Variants in RGL1 observed in about 807,000 individuals in gnomAD.
RGL1 encodes the protein ral guanine nucleotide dissociation stimulator like 1.
A neutral mutation model predicts 95.2 loss-of-function variants in RGL1; 24 were observed. The ratio of observed to expected loss-of-function variants is 0.25; its 90% CI spans 0.18 to 0.35. RGL1 has a LOEUF of 0.35. Ranked by LOEUF, RGL1 falls within the 10% of genes least tolerant of loss-of-function variation. The pLI, the probability that RGL1 is intolerant of heterozygous loss-of-function variation, is 1.00. For missense variants in RGL1, 715 were observed against 936.3 expected (o/e 0.76, Z 3.08); for synonymous variants, 329 against 344.9 (o/e 0.95, Z 0.51).
intron 3 of RGL1, among the ~76,000 whole-genome samples, chr1:183,858,012 G>C (rs1490599126): frequency 6.6e-6 from 1 of 152,168 alleles, no homozygotes; most frequent in Non-Finnish European, 1.5e-5. Flanking sequence ...TTTCCATGAA[G>C]TAGCTTGTTT....
chr1:183,799,445 C>A (rs963563765), intron 2 of RGL1, among the ~76,000 whole-genome samples: 5 of 152,238 alleles, frequency 3.3e-5, no homozygotes, highest in Middle Eastern at 3.4e-3. Flanking sequence ...TATCAGGGTT[C>A]CTTTTTGTCT....
At chr1:183,820,510 C>A (rs951469889) in intron 2 of RGL1, among the ~76,000 whole-genome samples, 1 of 152,146 alleles carries the variant, frequency 6.6e-6, no homozygotes, top group Non-Finnish European at 1.5e-5. Context: ...GGGCATGTGA[C>A]AAACGTGCAG....
chr1:183,642,898 A>G (rs1381476597), intron 1 of RGL1, among the ~76,000 whole-genome samples: 1 of 152,092 alleles, frequency 6.6e-6, no homozygotes, highest in Non-Finnish European at 1.5e-5. Flanking sequence ...CCATCTCCAG[A>G]CCTCTTTTCA....
chr1:183,747,881 A>G (rs945567063), intron 2 of RGL1, among the ~76,000 whole-genome samples: 1 of 152,052 alleles, frequency 6.6e-6, no homozygotes, highest in African/African-American at 2.4e-5. Flanking sequence ...CTCTTTTTCT[A>G]TGATTTGGAA....
At chr1:183,865,868 T>C (rs1164903246) in intron 3 of RGL1, 128 bp from the exon 4 acceptor site, 2 of 660,724 alleles carry the variant, frequency 3.0e-6, no homozygotes, top group Non-Finnish European at 5.4e-6. Flanking sequence ...TCAATGCTAT[T>C]TCATAGATAT....
intron 1 of RGL1, among the ~76,000 whole-genome samples, chr1:183,665,478 A>C (rs1007081288): frequency 6.6e-6 from 1 of 152,096 alleles, no homozygotes; most frequent in Non-Finnish European, 1.5e-5. Context: ...TTTTCCTTAA[A>C]TTTTTGGTAG....
intron 1 of RGL1, among the ~76,000 whole-genome samples, chr1:183,731,289 A>G (rs1435751872): frequency 2.0e-5 from 3 of 152,224 alleles, no homozygotes; most frequent in Non-Finnish European, 4.4e-5. Context: ...TATGTGAATA[A>G]GAAGTGAAAT....
chr1:183,696,609 G>C (rs961235503), intron 1 of RGL1, among the ~76,000 whole-genome samples: 2 of 152,044 alleles, frequency 1.3e-5, no homozygotes, highest in African/African-American at 4.8e-5. Context: ...CTCCAGCCCA[G>C]GCCTCTATCT....
At chr1:183,926,009 C>A in intron 17 of RGL1, 96 bp from the exon 18 acceptor site, 1 of 1,037,044 alleles carries the variant, frequency 9.6e-7, no homozygotes, top group Non-Finnish European at 1.4e-6. Context: ...GGGCCGTAGT[C>A]CCGTTCTTGT....
At chr1:183,661,455 TAGA>T (rs1184609692) in intron 1 of RGL1, among the ~76,000 whole-genome samples, 1 of 152,142 alleles carries the variant, frequency 6.6e-6, no homozygotes, top group Non-Finnish European at 1.5e-5. Context: ...CTAGAAAATC[TAGA>T]AGAAGTGGAT....
chr1:183,888,618 A>T (rs1335157079), intron 8 of RGL1, 41 bp downstream of exon 8: 2 of 1,298,242 alleles, frequency 1.5e-6, no homozygotes, highest in Non-Finnish European at 2.2e-6. Flanking sequence ...TTTGGCCGGG[A>T]TAATTAGTGG....
chr1:183,900,606 G>A (rs1379904694), intron 11 of RGL1, among the ~76,000 whole-genome samples: 1 of 152,102 alleles, frequency 6.6e-6, no homozygotes, highest in Non-Finnish European at 1.5e-5. Flanking sequence ...TCGGGTTCAA[G>A]CAATTCTCCT....
chr1:183,751,985 GTT>G lies in RGL1; in HGVS notation c.132+9697_132+9698del, dbSNP rs1349404602. On this transcript the variant is annotated intron_variant, in intron 2 of 18. Coordinates refer to the RGL1 transcript ENST00000304685. ...TTGTTGGGAGCTGCAGACTGGAGCT[GTT>G]CCTATTCGGCCATCTTGCCAGATCC... 3.3e-5 allele frequency among the ~76,000 whole-genome samples: 5 copies of G among 152,170 alleles called. No homozygotes were observed. In the East Asian group the frequency reaches 9.6e-4, roughly 29 times the overall value.
intron 1 of RGL1, among the ~76,000 whole-genome samples, chr1:183,675,205 T>C (rs1264634774): frequency 6.6e-6 from 1 of 152,202 alleles, no homozygotes; most frequent in Non-Finnish European, 1.5e-5. Flanking sequence ...GTTTACATTT[T>C]GGTTGGGATG....
intron 2 of RGL1, among the ~76,000 whole-genome samples, chr1:183,774,866 G>T (rs1020427578): frequency 6.6e-6 from 1 of 151,998 alleles, no homozygotes; most frequent in African/African-American, 2.4e-5. Flanking sequence ...GAGCCACCAC[G>T]CCTGGCCTAC....
intron 2 of RGL1, among the ~76,000 whole-genome samples, chr1:183,742,768 A>C (rs1424554630): frequency 6.6e-6 from 1 of 152,016 alleles, no homozygotes. Context: ...AGAGAGAGAG[A>C]GATGCTATTA....
At chr1:183,755,913 T>C (rs1023485367) in intron 2 of RGL1, among the ~76,000 whole-genome samples, 4 of 151,772 alleles carry the variant, frequency 2.6e-5, no homozygotes, top group Non-Finnish European at 4.4e-5. Context: ...CACAGAGTTT[T>C]GCTCTTGTTG....
chr1:183,849,551 C>T (rs919276304), intron 3 of RGL1, among the ~76,000 whole-genome samples: 2 of 120,768 alleles, frequency 1.7e-5, no homozygotes, highest in Non-Finnish European at 3.2e-5. Context: ...AGTGCAGTGG[C>T]GTGATCTCGG....
chr1:183,698,404 T>C (rs557602204), intron 1 of RGL1, among the ~76,000 whole-genome samples: 1 of 152,338 alleles, frequency 6.6e-6, no homozygotes, highest in South Asian at 2.1e-4. Flanking sequence ...TCTTCCCTTT[T>C]AGAAACAGGA....
Sources: allele counts gnomAD v4.1 joint callset (sites outside exome capture counted in the v4.1 genomes callset), GRCh38; gene constraint gnomAD v4.1.1; transcripts MANE v1.5; gene names NCBI Gene and HGNC (gene_info 2026-07-23, HGNC 2026-07-21).